The following POGZ variants were observed in gnomAD, a reference collection of about 807,000 sequenced individuals.
POGZ encodes pogo transposable element derived with ZNF domain, also known as pogo transposable element with ZNF domain.
Under a neutral mutation model 134.6 loss-of-function variants are expected in POGZ, and 17 were observed. The observed-to-expected ratio is 0.13, with a 90% CI of 0.09 to 0.19. The LOEUF is 0.19. Ranked by LOEUF, POGZ falls within the 10% of genes least tolerant of loss-of-function variation. The pLI, the probability that POGZ is intolerant of heterozygous loss-of-function variation, is 1.00. For missense variants in POGZ, 1,306 were observed against 1,769.7 expected (o/e 0.74, Z 4.70); for synonymous variants, 693 against 657.1 (o/e 1.05, Z -0.84).
chr1:151,404,266 A>C lies in POGZ; in HGVS notation c.*536T>G. 1 of 983,458 alleles carries C rather than the reference A, an allele frequency of 1.0e-6. No individual in the cohort carries two copies. The highest frequency in any genetic ancestry group is 1.2e-6 in the Non-Finnish European group (1 of 827,810). 60.9% of individuals were successfully genotyped at this position (983,458 alleles called of 1,614,324 possible). On this transcript the variant is annotated 3_prime_UTR_variant, in exon 19 of 19. Coordinates refer to ENST00000271715, the MANE Select transcript of POGZ (RefSeq NM_015100.4). ...AAAAGTGTTAAGACCACAATGAAAA[A>C]AGTTTTTTATCCATATATATAATAA...
intron 1 of POGZ, among the ~76,000 whole-genome samples, chr1:151,452,661 C>T (rs1041289088): frequency 3.3e-5 from 5 of 151,974 alleles, no homozygotes; most frequent in Admixed American, 1.3e-4. Context: ...GACAGGAGTT[C>T]GAGACCAGCC....
intron 10 of POGZ, among the ~76,000 whole-genome samples, chr1:151,417,951 A>G (rs1284955389): frequency 6.6e-6 from 1 of 152,230 alleles, no homozygotes; most frequent in African/African-American, 2.4e-5. Context: ...GCCCACCAAC[A>G]GATGAATGAA....
At chr1:151,418,297 G>A (rs1049739244) in intron 10 of POGZ, among the ~76,000 whole-genome samples, 14 of 152,016 alleles carry the variant, frequency 9.2e-5, no homozygotes, top group African/African-American at 3.4e-4. Flanking sequence ...TGCAGCACAT[G>A]GTTAGAACTG....
chr1:151,429,720 A>C lies in POGZ; in HGVS notation c.460-9T>G, dbSNP rs754174640. 22 of 1,541,776 alleles carry C rather than the reference A, an allele frequency of 1.4e-5. No individual in the cohort carries two copies. The South Asian group carries it at 2.5e-4, about 17-fold the overall frequency. On this transcript the variant is annotated splice_polypyrimidine_tract_variant and intron_variant, in intron 4 of 18. Coordinates refer to ENST00000271715, the MANE Select transcript of POGZ (RefSeq NM_015100.4). ...TTCCTTACAGGAAATCCCTGTATTA[A>C]AAAGCAAAATGATCTTTAACATGGA...
intron 12 of POGZ, among the ~76,000 whole-genome samples, chr1:151,410,683 A>T (rs1224687904): frequency 6.6e-6 from 1 of 152,230 alleles, no homozygotes; most frequent in Non-Finnish European, 1.5e-5. Flanking sequence ...GAGTTCTCTC[A>T]CAGGCTTGAG....
intron 1 of POGZ, among the ~76,000 whole-genome samples, chr1:151,449,823 G>A (rs1661795020): frequency 6.6e-6 from 1 of 152,166 alleles, no homozygotes. Flanking sequence ...ATGAACCTGG[G>A]AGATGCAGCT....
intron 10 of POGZ, among the ~76,000 whole-genome samples, chr1:151,418,085 G>A (rs902920584): frequency 1.3e-5 from 2 of 151,988 alleles, no homozygotes; most frequent in Admixed American, 6.6e-5. Flanking sequence ...GCGTGGTGGC[G>A]TGTGCCTGTA....
intron 12 of POGZ, among the ~76,000 whole-genome samples, 182 bp downstream of exon 12, chr1:151,411,443 C>T (rs1259376174): frequency 1.3e-5 from 2 of 152,160 alleles, no homozygotes; most frequent in Non-Finnish European, 2.9e-5. Context: ...GCCTTGTTTA[C>T]TACTAAATCT....
At chr1:151,456,857 C>T (rs1194335228) in intron 1 of POGZ, among the ~76,000 whole-genome samples, 1 of 152,072 alleles carries the variant, frequency 6.6e-6, no homozygotes, top group African/African-American at 2.4e-5. Flanking sequence ...CCACCCTGGG[C>T]GACAGAGCAA....
At chr1:151,452,097 CAAAAAAAAAAAAA>C (rs574531921) in intron 1 of POGZ, among the ~76,000 whole-genome samples, 9 of 59,034 alleles carry the variant, frequency 1.5e-4, no homozygotes, top group Non-Finnish European at 2.4e-4. Context: ...GACTCCGTCT[CAAAAAAAAAAAAA>C]AAAAAAAAAA....
In POGZ at chr1:151,406,592, G is replaced by T; in HGVS notation, c.2570+15C>A. The T allele has an allele frequency of 1.2e-6, 2 of 1,608,788 alleles. No individual in the cohort carries two copies. The highest frequency in any genetic ancestry group is 1.7e-6 in the Non-Finnish European group (2 of 1,177,632). On this transcript the variant is annotated intron_variant, in intron 18 of 18. Transcript: ENST00000271715. ...TGCAAACCAGAAATTAAATTGTGAGGTGAGTTTTTGTTACCTTGAGTGAGC... is the reference window on the plus strand; with the variant it reads ...TGCAAACCAGAAATTAAATTGTGAGTTGAGTTTTTGTTACCTTGAGTGAGC...
chr1:151,417,843 T>C (rs1571395349), intron 10 of POGZ, among the ~76,000 whole-genome samples: 1 of 152,046 alleles, frequency 6.6e-6, no homozygotes, highest in Non-Finnish European at 1.5e-5. Flanking sequence ...CCCAAAATAT[T>C]AGCATGTAAA....
chr1:151,423,535 T>C lies in POGZ; in HGVS notation c.1540A>G (p.Lys514Glu). The change falls in exon 10 of 19, where the codon AAA becomes GAA. Residue 514 changes from lysine (K) to glutamate (E), a missense_variant. Lys to Glu is a moderately conservative substitution (Grantham distance 56, BLOSUM62 1). Coordinates refer to ENST00000271715, the MANE Select transcript of POGZ (RefSeq NM_015100.4). ...TGCTGATCGAGTTCTACGTGGTGTTTCATATGGTTCATGAATCTGTAATAA... is the reference window on the plus strand; with the variant it reads ...TGCTGATCGAGTTCTACGTGGTGTTCCATATGGTTCATGAATCTGTAATAA... ...KNNIRFMNHM[K>E]HHVELDQQNG... 7 of 1,613,074 alleles carry C rather than the reference T, an allele frequency of 4.3e-6. No individual in the cohort carries two copies. Among genetic ancestry groups the C allele is most frequent in the Non-Finnish European group, 5.9e-6 (7 of 1,179,388 alleles).
intron 11 of POGZ, 102 bp from the exon 12 acceptor site, chr1:151,411,873 AGTTTTCT>A: frequency 7.1e-6 from 7 of 989,850 alleles, no homozygotes; most frequent in South Asian, 2.1e-5. Context: ...AAAAAAAAAA[AGTTTTCT>A]CAAATGCATA....
intron 1 of POGZ, among the ~76,000 whole-genome samples, chr1:151,450,331 C>A (rs150611262): frequency 1.3e-5 from 2 of 151,926 alleles, no homozygotes; most frequent in African/African-American, 4.8e-5. Flanking sequence ...CAGCACCCAG[C>A]CAGGAACTTG....
Position 151,442,145 on chromosome 1 carries a change from T to C in POGZ, c.60A>G (p.Lys20=), listed in dbSNP as rs1027489759. 2 of 1,612,484 alleles carry C rather than the reference T, an allele frequency of 1.2e-6. No homozygotes were observed. Among genetic ancestry groups the C allele is most frequent in the Non-Finnish European group, 1.7e-6 (2 of 1,178,496 alleles). Residue 20 remains lysine (K), a synonymous_variant, in exon 2 of 19, where the codon AAA becomes AAG. Coordinates refer to ENST00000271715, the MANE Select transcript of POGZ (RefSeq NM_015100.4). The part of the protein sequence containing the change: ...CEEEELEPWQ[K]ISDVIEDSVV... ...CAGAGTCCTCAATGACATCACTGAT[T>C]TTCTGCCATGGCTCCAACTCCTCCT...
At chr1:151,447,361 G>C (rs1022729838) in intron 1 of POGZ, among the ~76,000 whole-genome samples, 2 of 151,842 alleles carry the variant, frequency 1.3e-5, no homozygotes, top group Admixed American at 6.6e-5. Context: ...AACAGAGCAA[G>C]ACTCCATCTT....
intron 12 of POGZ, 35 bp downstream of exon 12, chr1:151,411,590 A>C (rs1654683459): frequency 1.3e-6 from 2 of 1,493,092 alleles, no homozygotes; most frequent in African/African-American, 1.4e-5. Context: ...AAAAAAAAAA[A>C]CAAGAGAATA....
intron 10 of POGZ, among the ~76,000 whole-genome samples, chr1:151,412,821 T>A: frequency 6.6e-6 from 1 of 152,256 alleles, no homozygotes; most frequent in South Asian, 2.1e-4. Context: ...TCTATACTTA[T>A]AATAAGGCAA....
Sources: allele counts gnomAD v4.1 joint callset (sites outside exome capture counted in the v4.1 genomes callset), GRCh38; gene constraint gnomAD v4.1.1; transcripts MANE v1.5; gene names NCBI Gene and HGNC (gene_info 2026-07-23, HGNC 2026-07-21).